Variants in POPDC2 observed in about 807,000 individuals in gnomAD.
POPDC2 encodes the protein popeye domain cAMP effector 2.
POPDC2 carries 24 observed loss-of-function variants against 30.5 expected under a neutral mutation model. The observed-to-expected ratio is 0.79, with a 90% CI of 0.57 to 1.11. The LOEUF (loss-of-function observed/expected upper bound fraction) is 1.11. Ranked by LOEUF, POPDC2 falls within the 50% of genes least tolerant of loss-of-function variation. POPDC2 has a pLI of 0.00. For missense variants in POPDC2, 409 were observed against 447.0 expected (o/e 0.91, Z 0.77); for synonymous variants, 185 against 183.3 (o/e 1.01, Z -0.07).
intron 1 of POPDC2, among the ~76,000 whole-genome samples, chr3:119,655,060 C>T (rs1026882407): frequency 2.0e-5 from 3 of 152,226 alleles, no homozygotes; most frequent in Non-Finnish European, 4.4e-5. Flanking sequence ...GGCGCAGTGG[C>T]TCACACCTGT....
rs2052763582 is a variant in POPDC2, at chr3:119,647,998, T to C, written c.*43+121A>G. The stretch of plus-strand genomic sequence containing the variant: ...GTTGCTATCTTCAAAGTTGGGTTAA[T>C]GCCACTTTCTGTGAGTCCTCTAAGA... On this transcript the variant is annotated intron_variant, in intron 3 of 3. Coordinates refer to ENST00000493094, the MANE Select transcript of POPDC2 (RefSeq NM_001369919.2). The C allele has an allele frequency of 3.8e-6, 3 of 790,770 alleles. No individual in the cohort carries two copies. The Admixed American group carries it at 9.8e-5, about 26-fold the overall frequency. The allele number at this position is 790,770 out of a possible 1,614,324, so 49.0% of individuals were successfully genotyped here. A position where few individuals can be genotyped will look rare whatever the true frequency, so the allele number is the denominator to read the frequency against.
intron 2 of POPDC2, among the ~76,000 whole-genome samples, chr3:119,651,635 C>A (rs1288016083): frequency 6.6e-6 from 1 of 151,860 alleles, no homozygotes; most frequent in Non-Finnish European, 1.5e-5. Context: ...ACTTTCTTCC[C>A]CCACCCCACC....
chr3:119,652,067 T>TA (rs397746498), intron 2 of POPDC2, among the ~76,000 whole-genome samples: 1 of 151,918 alleles, frequency 6.6e-6, no homozygotes, highest in Non-Finnish European at 1.5e-5. Context: ...GCTTTTTTTT[T>TA]AATACTCATC....
At chr3:119,647,393 C>G (rs1046900984) in intron 3 of POPDC2, among the ~76,000 whole-genome samples, 2 of 152,224 alleles carry the variant, frequency 1.3e-5, no homozygotes, top group African/African-American at 4.8e-5. Flanking sequence ...CTTGTAGACT[C>G]TCTGGGAGGG....
chr3:119,648,627 C>T lies in POPDC2; in HGVS notation c.642G>A (p.Trp214Ter). The T allele has an allele frequency of 6.2e-7, 1 of 1,613,930 alleles. No homozygotes were observed. Among genetic ancestry groups the T allele is most frequent in the Non-Finnish European group, 8.5e-7 (1 of 1,179,940 alleles). ...GAAGAAGATGGAGACTTTTCCGGGG[C>T]CAGGAAATGTAGCTACATGAGGTCT... ...TAETSCSYIS[W>*]PRKSLHLLLT... The change falls in exon 3 of 4, where the codon TGG becomes TGA. Residue 214 changes from tryptophan (W) to a stop codon, truncating the protein, a stop_gained. Coordinates refer to ENST00000493094, the MANE Select transcript of POPDC2 (RefSeq NM_001369919.2). LOFTEE classifies it high-confidence loss of function.
At chr3:119,660,610 G>A (rs934694375), upstream of POPDC2, 25 of 590,872 alleles carry the variant, frequency 4.2e-5, no homozygotes, top group African/African-American at 4.7e-4. Flanking sequence ...ACACTTCATG[G>A]AGAATTTAAA....
chr3:119,660,523 C>A lies in POPDC2; in HGVS notation c.-100G>T. ...ATCCGCTCAGGGGTCTTCTCACCTC[C>A]GGCTTCTCACTACCGACTCCACCTT... On this transcript the variant is annotated 5_prime_UTR_variant, in exon 1 of 4. Coordinates refer to ENST00000493094, the MANE Select transcript of POPDC2 (RefSeq NM_001369919.2). 1 of 1,352,552 alleles carries A rather than the reference C, an allele frequency of 7.4e-7. No individual in the cohort carries two copies. Among genetic ancestry groups the A allele is most frequent in the Non-Finnish European group, 9.9e-7 (1 of 1,014,218 alleles). The allele number at this position is 1,352,552 out of a possible 1,614,324, so 83.8% of individuals were successfully genotyped here.
chr3:119,650,105 TA>T (rs773140243), intron 2 of POPDC2, among the ~76,000 whole-genome samples: 225 of 152,364 alleles, frequency 1.5e-3, no homozygotes, highest in Non-Finnish European at 2.9e-3. Context: ...TAGATGTACT[TA>T]TGAACAATTC....
upstream of POPDC2, chr3:119,660,739 T>A (rs1031340309): frequency 1.8e-5 from 4 of 220,614 alleles, no homozygotes; most frequent in Non-Finnish European, 3.5e-5. Flanking sequence ...CTTCCTTGGT[T>A]CCATGTTTCT....
chr3:119,660,624 C>CTCTT, upstream of POPDC2: 1 of 522,894 alleles, frequency 1.9e-6, no homozygotes. Flanking sequence ...ATTTAAAAAC[C>CTCTT]TCTTTCTCTC....
chr3:119,656,917 C>T (rs1036941629), intron 1 of POPDC2, among the ~76,000 whole-genome samples: 2 of 152,178 alleles, frequency 1.3e-5, no homozygotes, highest in African/African-American at 4.8e-5. Context: ...GAGATGGGCA[C>T]AATCTGGTCT....
At position 119,648,636 on chromosome 3, in the gene POPDC2, G is replaced by A. The variant is rs377524628; in HGVS notation, c.633C>T (p.Tyr211=). The A allele has an allele frequency of 1.2e-5, 19 of 1,613,996 alleles. No homozygotes were observed. Among genetic ancestry groups the A allele is most frequent in the African/African-American group, 1.1e-4 (8 of 74,922 alleles). The change falls in exon 3 of 4, where the codon TAC becomes TAT. Residue 211 remains tyrosine (Y), a synonymous_variant. Coordinates refer to ENST00000493094, the MANE Select transcript of POPDC2 (RefSeq NM_001369919.2). ...VTLTAETSCS[Y]ISWPRKSLHL... Reference sequence around the variant, plus strand: ...GGAGACTTTTCCGGGGCCAGGAAATGTAGCTACATGAGGTCTCAGCAGTCA... The same window carrying A: ...GGAGACTTTTCCGGGGCCAGGAAATATAGCTACATGAGGTCTCAGCAGTCA...
chr3:119,646,646 G>C (rs192155942), intron 3 of POPDC2, among the ~76,000 whole-genome samples: 1 of 151,744 alleles, frequency 6.6e-6, no homozygotes, highest in African/African-American at 2.4e-5. Context: ...TCTCAAGAAA[G>C]AAAAGGAAAA....
intron 3 of POPDC2, among the ~76,000 whole-genome samples, chr3:119,647,511 C>A (rs1389664337): frequency 6.6e-6 from 1 of 152,198 alleles, no homozygotes; most frequent in Non-Finnish European, 1.5e-5. Context: ...TGCCATATAC[C>A]TATCTGATCA....
chr3:119,655,504 A>C (rs2052869199), intron 1 of POPDC2, among the ~76,000 whole-genome samples: 1 of 152,180 alleles, frequency 6.6e-6, no homozygotes, highest in African/African-American at 2.4e-5. Flanking sequence ...TCATCACAGA[A>C]AGTTCTGTTG....
intron 2 of POPDC2, among the ~76,000 whole-genome samples, chr3:119,652,009 C>CTTGATAGATATG (rs2052816968): frequency 6.6e-6 from 1 of 152,106 alleles, no homozygotes; most frequent in Admixed American, 6.5e-5. Flanking sequence ...TTGATTGGTT[C>CTTGATAGATATG]TCCCATATAT....
Position 119,660,362 on chromosome 3 carries a change from C to T in POPDC2, c.62G>A (p.Trp21Ter). ...GACAGCCCCTTCCACATCCTGCTTC[C>T]ACCTAATGCACGCTGAACCCTGCAA... ...LLLQGSACIR[W>*]KQDVEGAVYH... Residue 21 changes from tryptophan to a stop codon, truncating the protein, a stop_gained, in exon 1 of 4, where the codon TGG (tryptophan) becomes TAG (stop). Coordinates refer to ENST00000493094, the MANE Select transcript of POPDC2 (RefSeq NM_001369919.2). LOFTEE classifies it high-confidence loss of function. The T allele has an allele frequency of 6.2e-7, 1 of 1,614,172 alleles. No homozygotes were observed. Among genetic ancestry groups the T allele is most frequent in the Non-Finnish European group, 8.5e-7 (1 of 1,180,030 alleles).
chr3:119,660,601 C>T, upstream of POPDC2: 1 of 649,850 alleles, frequency 1.5e-6, no homozygotes, highest in East Asian at 2.8e-5. Flanking sequence ...GAACATAGTA[C>T]ACTTCATGGA....
At position 119,642,444 on chromosome 3, in the gene POPDC2, C is replaced by G; in HGVS notation, c.*161G>C. 1 of 1,481,958 alleles carries G rather than the reference C, an allele frequency of 6.7e-7. No individual in the cohort carries two copies. The highest frequency in any genetic ancestry group is 9.4e-7 in the Non-Finnish European group (1 of 1,060,810). The allele number at this position is 1,481,958 out of a possible 1,614,324, so 91.8% of individuals were successfully genotyped here. ...ATTCTGTGAACACAGAAGAGAGCTG[C>G]GCTGGCCACAGAGAAGATAGTCCAA... On this transcript the variant is annotated 3_prime_UTR_variant, in exon 4 of 4. Coordinates refer to ENST00000493094, the MANE Select transcript of POPDC2 (RefSeq NM_001369919.2).
Sources: allele counts gnomAD v4.1 joint callset (sites outside exome capture counted in the v4.1 genomes callset), GRCh38; gene constraint gnomAD v4.1.1; transcripts MANE v1.5; gene names NCBI Gene and HGNC (gene_info 2026-07-23, HGNC 2026-07-21).